The following CAMLG variants were observed in gnomAD, a reference collection of about 807,000 sequenced individuals.
The protein encoded by CAMLG is guided entry of tail-anchored proteins factor CAMLG.
A neutral mutation model predicts 28.9 loss-of-function variants in CAMLG; 23 were observed. That is an observed-to-expected ratio of 0.80 (90% confidence interval 0.57 to 1.13). CAMLG has a LOEUF of 1.13. Among genes scored for constraint, CAMLG ranks in the 50% most tolerant of loss-of-function variants. CAMLG has a pLI of 0.00. For missense variants in CAMLG, 367 were observed against 371.9 expected (o/e 0.99, Z 0.11); for synonymous variants, 141 against 146.5 (o/e 0.96, Z 0.27).
intron 3 of CAMLG, among the ~76,000 whole-genome samples, chr5:134,748,531 A>G (rs575876364): frequency 3.8e-4 from 58 of 152,232 alleles, no homozygotes; most frequent in African/African-American, 1.3e-3. Flanking sequence ...GAGCAAGACT[A>G]CGTCTCAAAC....
chr5:134,740,046 A>T (rs1162815840), intron 1 of CAMLG, among the ~76,000 whole-genome samples: 1 of 149,594 alleles, frequency 6.7e-6, no homozygotes, highest in Non-Finnish European at 1.5e-5. Flanking sequence ...TGGCTAATTT[A>T]AAAAAAAATT....
At chr5:134,746,020 C>T (rs1753043579) in intron 3 of CAMLG, among the ~76,000 whole-genome samples, 1 of 151,570 alleles carries the variant, frequency 6.6e-6, no homozygotes, top group African/African-American at 2.4e-5. Context: ...TGCCTGTAAT[C>T]CCAGCTACTC....
At chr5:134,742,798 A>G (rs1753000220) in intron 2 of CAMLG, among the ~76,000 whole-genome samples, 1 of 151,822 alleles carries the variant, frequency 6.6e-6, no homozygotes, top group South Asian at 2.1e-4. Context: ...GAGTGCAGTG[A>G]TGTGATCTTG....
intron 2 of CAMLG, among the ~76,000 whole-genome samples, chr5:134,742,842 G>A (rs1753000632): frequency 6.6e-6 from 1 of 152,046 alleles, no homozygotes; most frequent in Admixed American, 6.6e-5. Context: ...GGGTTCAAGC[G>A]ATTCTCCTGC....
chr5:134,747,029 T>G (rs1356764650), intron 3 of CAMLG, among the ~76,000 whole-genome samples: 1 of 152,016 alleles, frequency 6.6e-6, no homozygotes, highest in Non-Finnish European at 1.5e-5. Context: ...AGGTTTACAG[T>G]GAGCCAAGAC....
At position 134,739,090 on chromosome 5, in the gene CAMLG, C is replaced by T. The variant is rs1264554059; in HGVS notation, c.172+298C>T. Among the ~76,000 whole-genome samples the T allele has an allele frequency of 4.6e-5, 7 of 152,262 alleles. No homozygotes were observed. In the East Asian group the frequency reaches 1.2e-3, roughly 25 times the overall value. ...CAGCCCCTTTTTTCCTTAGCCACTC[C>T]TCGCCTTTCTTGAAGGGCGCACGTT... On this transcript the variant is annotated intron_variant, in intron 1 of 3. Transcript: ENST00000297156.
chr5:134,744,137 C>T lies in CAMLG; in HGVS notation c.699+85C>T, dbSNP rs1158960058. The stretch of plus-strand genomic sequence containing the variant: ...ATTGAAGGAACTTAAAAATGTTAGT[C>T]CTGCTTACGGTCTGAATCAGTGCTA... On this transcript the variant is annotated intron_variant, in intron 3 of 3. Coordinates refer to ENST00000297156, the MANE Select transcript of CAMLG (RefSeq NM_001745.4). 4 of 675,874 alleles carry T rather than the reference C, an allele frequency of 5.9e-6. No homozygotes were observed. The Admixed American group carries it at 9.2e-5, about 16-fold the overall frequency. The allele number at this position is 675,874 out of a possible 1,614,324, so 41.9% of individuals were successfully genotyped here.
chr5:134,741,284 C>T lies in CAMLG; in HGVS notation c.394C>T (p.Arg132Trp), dbSNP rs146174222. 65 of 1,614,134 alleles carry T rather than the reference C, an allele frequency of 4.0e-5. No homozygotes were observed. In the African/African-American group the frequency reaches 5.5e-4, roughly 14 times the overall value. Residue 132 changes from arginine (R) to tryptophan (W), a missense_variant, in exon 2 of 4, where the codon CGG (arginine) becomes TGG (tryptophan). Transcript: ENST00000297156. Reference sequence around the variant, plus strand: ...CAGTAGTGATGTCAACCTTGAGCTCCGGCAGCGGAACAGAGGGGACCTGAC... The same window carrying T: ...CAGTAGTGATGTCAACCTTGAGCTCTGGCAGCGGAACAGAGGGGACCTGAC... ...ECSSDVNLEL[R>W]QRNRGDLTAD... is the part of the protein sequence containing the mutation.
At chr5:134,749,057 T>C (rs1164913286) in intron 3 of CAMLG, among the ~76,000 whole-genome samples, 1 of 151,802 alleles carries the variant, frequency 6.6e-6, no homozygotes, top group African/African-American at 2.4e-5. Flanking sequence ...TCATTTCTTT[T>C]AGGTAACTAT....
intron 1 of CAMLG, 117 bp from the exon 2 acceptor site, chr5:134,740,946 T>C: frequency 2.9e-6 from 2 of 695,414 alleles, no homozygotes; most frequent in East Asian, 2.7e-5. Flanking sequence ...GGTATTTATT[T>C]ATTTTGATGC....
At chr5:134,742,126 C>T (rs1752993147) in intron 2 of CAMLG, among the ~76,000 whole-genome samples, 1 of 152,128 alleles carries the variant, frequency 6.6e-6, no homozygotes, top group African/African-American at 2.4e-5. Context: ...TGCCGTTTTA[C>T]ATAAGGGACT....
Position 134,751,016 on chromosome 5 carries a change from T to G in CAMLG, c.*66T>G. On this transcript the variant is annotated 3_prime_UTR_variant, in exon 4 of 4. Coordinates refer to ENST00000297156, the MANE Select transcript of CAMLG (RefSeq NM_001745.4). ...AAATCCTCTTCTATATTGCAGTGTC[T>G]CTAAAGGAGGCAAATTGGTTTACAC... 1 of 1,266,784 alleles carries G rather than the reference T, an allele frequency of 7.9e-7. No individual in the cohort carries two copies. The highest frequency in any genetic ancestry group is 1.5e-5 in the African/African-American group (1 of 66,666). The allele number at this position is 1,266,784 out of a possible 1,614,324, so 78.5% of individuals were successfully genotyped here.
chr5:134,747,599 G>GC lies in CAMLG; in HGVS notation c.700-3154dup, dbSNP rs549486621. Among the ~76,000 whole-genome samples, 8 of 150,524 alleles carry GC rather than the reference G, an allele frequency of 5.3e-5. No homozygotes were observed. The South Asian group carries it at 1.7e-3, about 32-fold the overall frequency. On this transcript the variant is annotated intron_variant, in intron 3 of 3. Coordinates refer to ENST00000297156, the MANE Select transcript of CAMLG (RefSeq NM_001745.4). The stretch of plus-strand genomic sequence containing the variant: ...CTGACCTCATGATCCGCCTGCCTCG[G>GC]CCCCCCAAAGTGCTGGGATTACAGG...
At chr5:134,746,153 A>AG (rs1476981900) in intron 3 of CAMLG, among the ~76,000 whole-genome samples, 1 of 151,512 alleles carries the variant, frequency 6.6e-6, no homozygotes, top group Non-Finnish European at 1.5e-5. Context: ...AAAAAAAAAA[A>AG]AAAAATTATA....
At chr5:134,738,958 C>G (rs1752952483) in intron 1 of CAMLG, among the ~76,000 whole-genome samples, 166 bp downstream of exon 1, 1 of 152,100 alleles carries the variant, frequency 6.6e-6, no homozygotes, top group South Asian at 2.1e-4. Context: ...CATCCCTGAA[C>G]CCCAGGATGT....
chr5:134,743,593 C>T (rs182297137), intron 2 of CAMLG, among the ~76,000 whole-genome samples: 2 of 149,758 alleles, frequency 1.3e-5, no homozygotes, highest in Non-Finnish European at 3.0e-5. Context: ...AATTGCCAGG[C>T]GCGGTGTCTC....
intron 1 of CAMLG, among the ~76,000 whole-genome samples, chr5:134,739,676 T>C (rs976987269): frequency 9.2e-5 from 14 of 152,344 alleles, no homozygotes; most frequent in Middle Eastern, 3.4e-3. Context: ...TTTGTGACTT[T>C]TGTTCTGTAA....
chr5:134,747,534 G>T (rs1219392782), intron 3 of CAMLG, among the ~76,000 whole-genome samples: 2 of 152,014 alleles, frequency 1.3e-5, no homozygotes, highest in Non-Finnish European at 2.9e-5. Context: ...TTTTAGTAGA[G>T]ACGGGGTTTC....
Position 134,750,776 on chromosome 5 carries a change from G to T in CAMLG, c.717G>T (p.Lys239Asn), listed in dbSNP as rs370844815. Residue 239 changes from lysine (K) to asparagine (N), a missense_variant, in exon 4 of 4, where the codon AAG becomes AAT. By Grantham distance (94) the Lys-to-Asn change is moderately conservative. Coordinates refer to ENST00000297156, the MANE Select transcript of CAMLG (RefSeq NM_001745.4). ...CTACACAGAGTGAAAAGAAGATAAA[G>T]ACAACAGTACTAACAGCTGCACTTC... ...KYFPKSEKKI[K>N]TTVLTAALLL... is the part of the protein sequence containing the mutation. 25 of 1,612,458 alleles carry T rather than the reference G, an allele frequency of 1.6e-5. No individual in the cohort carries two copies. The highest frequency in any genetic ancestry group is 2.0e-5 in the Non-Finnish European group (24 of 1,179,060).
Sources: gnomAD v4.1 joint callset for allele counts (sites outside exome capture counted in the v4.1 genomes callset) on GRCh38, gnomAD v4.1.1 for gene constraint, MANE v1.5 for transcripts, NCBI Gene and HGNC (gene_info 2026-07-23, HGNC 2026-07-21) for gene names.